Variants in PRKN observed in about 807,000 individuals in gnomAD.
PRKN encodes parkin RBR E3 ubiquitin protein ligase, also known as E3 ubiquitin-protein ligase parkin.
Under a neutral mutation model 59.5 loss-of-function variants are expected in PRKN, and 56 were observed. That is an observed-to-expected ratio of 0.94 (90% confidence interval 0.76 to 1.18). The LOEUF is 1.18. PRKN is among the 50% of genes most tolerant of loss of function. PRKN has a pLI of 0.00. For synonymous variants in PRKN, 250 were observed against 222.1 expected (o/e 1.13, Z -1.12); for missense variants, 657 against 596.4 (o/e 1.10, Z -1.06).
At chr6:161,489,306 C>A (rs1777457614) in intron 9 of PRKN, among the ~76,000 whole-genome samples, 1 of 151,762 alleles carries the variant, frequency 6.6e-6, no homozygotes, top group African/African-American at 2.4e-5. Context: ...ATGCCTGCAA[C>A]CCCAGCACTT....
At chr6:161,925,079 A>G (rs372515397) in intron 6 of PRKN, among the ~76,000 whole-genome samples, 2 of 152,206 alleles carry the variant, frequency 1.3e-5, no homozygotes, top group African/African-American at 4.8e-5. Context: ...TTAAAATTCT[A>G]ATGAATGACT....
chr6:161,915,942 G>A (rs1384796953), intron 6 of PRKN, among the ~76,000 whole-genome samples: 2 of 152,082 alleles, frequency 1.3e-5, no homozygotes, highest in African/African-American at 2.4e-5. Context: ...GATGATCATG[G>A]CTGCGAGGCT....
At chr6:161,646,591 G>A (rs1022583936) in intron 7 of PRKN, among the ~76,000 whole-genome samples, 8 of 151,272 alleles carry the variant, frequency 5.3e-5, no homozygotes, top group East Asian at 2.0e-4. Flanking sequence ...GTGTGCGTGC[G>A]TGGCGGAGGA....
At chr6:162,255,532 T>C (rs6918198) in intron 3 of PRKN, among the ~76,000 whole-genome samples, 11,096 of 152,214 alleles carry the variant, frequency 0.073, 624 homozygotes, top group Middle Eastern at 0.15. Flanking sequence ...GTAGGTCTGA[T>C]AGGGGGCCAA....
chr6:162,685,490 AG>A (rs1179994480), intron 1 of PRKN, among the ~76,000 whole-genome samples: 2 of 152,194 alleles, frequency 1.3e-5, no homozygotes, highest in African/African-American at 4.8e-5. Context: ...CGTAGTACAA[AG>A]GGGAAAAATT....
intron 7 of PRKN, among the ~76,000 whole-genome samples, chr6:161,644,982 C>T (rs1783871090): frequency 6.6e-6 from 1 of 152,170 alleles, no homozygotes; most frequent in Non-Finnish European, 1.5e-5. Context: ...TGCCAACCTG[C>T]ATATCATTTA....
chr6:162,575,473 A>G (rs1780519778), intron 1 of PRKN, among the ~76,000 whole-genome samples: 1 of 152,294 alleles, frequency 6.6e-6, no homozygotes. Context: ...CTGAGAGCAC[A>G]TGCCGCTTTT....
chr6:161,536,555 C>T (rs918553210), intron 9 of PRKN, among the ~76,000 whole-genome samples: 20 of 152,172 alleles, frequency 1.3e-4, no homozygotes, highest in Non-Finnish European at 2.6e-4. Context: ...AAACTTACCC[C>T]TGCCAGCTGC....
At chr6:162,188,937 A>C (rs565177085) in intron 4 of PRKN, among the ~76,000 whole-genome samples, 1 of 152,170 alleles carries the variant, frequency 6.6e-6, no homozygotes, top group Non-Finnish European at 1.5e-5. Flanking sequence ...ATGACTACAA[A>C]GCAAGCATGT....
intron 1 of PRKN, among the ~76,000 whole-genome samples, chr6:162,488,105 T>C (rs1378663569): frequency 6.6e-6 from 1 of 151,440 alleles, no homozygotes; most frequent in East Asian, 1.9e-4. Flanking sequence ...CTGCAATTTT[T>C]CACTTGTCCT....
chr6:162,621,372 GTGATGAAAGACA>G (rs1213924293), intron 1 of PRKN, among the ~76,000 whole-genome samples: 1 of 152,152 alleles, frequency 6.6e-6, no homozygotes, highest in Non-Finnish European at 1.5e-5. Context: ...GGTTAGCAGG[GTGATGAAAGACA>G]CATGGCTCAG....
At chr6:162,604,975 T>G (rs1400139978) in intron 1 of PRKN, among the ~76,000 whole-genome samples, 1 of 152,100 alleles carries the variant, frequency 6.6e-6, no homozygotes, top group Non-Finnish European at 1.5e-5. Context: ...ATTTTCCACA[T>G]AGATTTCTAT....
intron 4 of PRKN, among the ~76,000 whole-genome samples, chr6:162,091,103 C>G (rs1391034729): frequency 9.0e-6 from 1 of 110,598 alleles, no homozygotes; most frequent in Non-Finnish European, 1.8e-5. Flanking sequence ...ATTTATTTCT[C>G]TTGCTATCCT....
At chr6:162,716,772 GCACACACACACGCGCACA>G (rs1778742179) in intron 1 of PRKN, among the ~76,000 whole-genome samples, 2 of 134,640 alleles carry the variant, frequency 1.5e-5, no homozygotes, top group Admixed American at 7.8e-5. Context: ...GCGCGCGCAC[GCACACACACACGCGCACA>G]CACACACACA....
chr6:162,242,059 CA>C, intron 3 of PRKN, among the ~76,000 whole-genome samples: 1 of 152,014 alleles, frequency 6.6e-6, no homozygotes, highest in Non-Finnish European at 1.5e-5. Context: ...TAAGGAGCCA[CA>C]AAAGACACTT....
At chr6:162,227,476 T>G (rs925272363) in intron 3 of PRKN, among the ~76,000 whole-genome samples, 3 of 152,112 alleles carry the variant, frequency 2.0e-5, no homozygotes, top group African/African-American at 7.2e-5. Context: ...CAATTATAGT[T>G]TAAATGTAAG....
chr6:162,498,546 A>G (rs185308828), intron 1 of PRKN, among the ~76,000 whole-genome samples: 2 of 146,336 alleles, frequency 1.4e-5, no homozygotes, highest in African/African-American at 5.1e-5. Flanking sequence ...CCTGGGTTCA[A>G]GCGATTGTCC....
chr6:161,895,225 A>G (rs1254017821), intron 6 of PRKN, among the ~76,000 whole-genome samples: 1 of 152,208 alleles, frequency 6.6e-6, no homozygotes, highest in Non-Finnish European at 1.5e-5. Flanking sequence ...ACCCTGGTAA[A>G]GCTTTGCTCC....
At chr6:162,687,754 T>A (rs1159062857) in intron 1 of PRKN, among the ~76,000 whole-genome samples, 1 of 152,202 alleles carries the variant, frequency 6.6e-6, no homozygotes, top group Non-Finnish European at 1.5e-5. Context: ...AAGCCAAACC[T>A]AGCAGGAATC....
Sources: allele counts gnomAD v4.1 joint callset (sites outside exome capture counted in the v4.1 genomes callset), GRCh38; gene constraint gnomAD v4.1.1; transcripts MANE v1.5; gene names NCBI Gene and HGNC (gene_info 2026-07-23, HGNC 2026-07-21).